The following ZNF548 variants were observed in gnomAD, a reference collection of about 807,000 sequenced individuals.
The protein encoded by ZNF548 is zinc finger protein 548.
ZNF548 carries 10 observed loss-of-function variants against 10.2 expected under a neutral mutation model. The observed-to-expected ratio is 0.98, with a 90% confidence interval of 0.60 to 1.66. ZNF548 has a LOEUF of 1.66. ZNF548 is among the 40% of genes most tolerant of loss of function. The pLI, the probability that ZNF548 is intolerant of heterozygous loss-of-function variation, is 0.00. For missense variants in ZNF548, 599 were observed against 657.0 expected, an observed-to-expected ratio of 0.91 and a Z score of 0.97; for synonymous variants, 217 against 223.5, an observed-to-expected ratio of 0.97 and a Z score of 0.26.
rs759995353 is a variant in ZNF548 at position 57,399,595 on chromosome 19, C to T, written c.1344C>T (p.Leu448=). 3.1e-6 allele frequency: 5 copies of T among 1,613,556 alleles called. No homozygotes were observed. The highest frequency in any genetic ancestry group is 4.2e-6 in the Non-Finnish European group (5 of 1,179,936). ...AATTCTTTCGTTACAACTCCAACCT[C>T]ATTAAACATTGGAGAAATCACACTG... ...CGKFFRYNSN[L]IKHWRNHTGE... The change falls in exon 4 of 4, where the codon CTC becomes CTT. Residue 448 remains leucine, a synonymous_variant. Coordinates refer to ENST00000336128, the MANE Select transcript of ZNF548 (RefSeq NM_001172773.2). This position sits in a 1 kb window ranked among gnomAD's most constrained non-coding sequence, Gnocchi z 4.0.
chr19:57,393,700 AGGAG>A (rs2088644233), intron 1 of ZNF548, among the ~76,000 whole-genome samples: 1 of 76,880 alleles, frequency 1.3e-5, no homozygotes, highest in East Asian at 5.2e-4. Flanking sequence ...GGGAGGGCAG[AGGAG>A]GGGAGGGGGG....
At chr19:57,393,288 A>G (rs2088639699) in intron 1 of ZNF548, among the ~76,000 whole-genome samples, 1 of 152,156 alleles carries the variant, frequency 6.6e-6, no homozygotes, top group Non-Finnish European at 1.5e-5. Flanking sequence ...ACACTTATTG[A>G]TTTAAACCCC....
chr19:57,394,841 G>A (rs370706084), intron 2 of ZNF548, among the ~76,000 whole-genome samples: 17 of 152,152 alleles, frequency 1.1e-4, no homozygotes, highest in Non-Finnish European at 2.2e-4. Flanking sequence ...AGAGAGTGAG[G>A]CAGCTGGGGA....
rs2088698713 is a variant in ZNF548, at chr19:57,399,658, C to T, written c.1407C>T (p.Ala469=). 6.2e-7 allele frequency: 1 copy of T among 1,613,906 alleles called. No individual in the cohort carries two copies. The highest frequency in any genetic ancestry group is 1.3e-5 in the African/African-American group (1 of 74,976). Residue 469 remains alanine (A), a synonymous_variant, in exon 4 of 4, where the codon GCC becomes GCT. Coordinates refer to ENST00000336128, the MANE Select transcript of ZNF548 (RefSeq NM_001172773.2). The surrounding 1 kb of genome is among the most constrained non-coding windows in gnomAD (Gnocchi z 4.0). ...ACGAGTGCAGAGAGTGTGGGAAAGCCTTTAGCCACAAGCATATACTTGTTG... is the reference window on the plus strand; with the variant it reads ...ACGAGTGCAGAGAGTGTGGGAAAGCTTTTAGCCACAAGCATATACTTGTTG... ...RPYECRECGK[A]FSHKHILVEH...
chr19:57,397,646 T>C (rs1405591458), intron 3 of ZNF548, among the ~76,000 whole-genome samples: 1 of 152,210 alleles, frequency 6.6e-6, no homozygotes. Context: ...TGGGATGCCA[T>C]GGGCTTGATC....
chr19:57,394,808 G>C (rs1051910533), intron 2 of ZNF548, among the ~76,000 whole-genome samples: 7 of 152,178 alleles, frequency 4.6e-5, no homozygotes, highest in Non-Finnish European at 8.8e-5. Context: ...GTTTTAACTA[G>C]AGCTGCCCAC....
chr19:57,391,250 A>G (rs971919224), intron 1 of ZNF548, among the ~76,000 whole-genome samples: 1 of 149,858 alleles, frequency 6.7e-6, no homozygotes, highest in Non-Finnish European at 1.5e-5. Flanking sequence ...TCATTTAATA[A>G]TGGCCTCCAG....
Position 57,399,379 on chromosome 19 carries a change from T to C in ZNF548, c.1128T>C (p.Pro376=), listed in dbSNP as rs753960453. ...AGAGAATTCACACTGGAGAAAGGCC[T>C]TATGAGTGCAGTGTATGTGGGGAAT... ...RHQRIHTGER[P]YECSVCGELF... The change falls in exon 4 of 4, where the codon CCT becomes CCC. Residue 376 remains proline, a synonymous_variant. Transcript: ENST00000336128. This position sits in a 1 kb window ranked among gnomAD's most constrained non-coding sequence, Gnocchi z 4.0. 6.2e-7 allele frequency: 1 copy of C among 1,614,172 alleles called. No individual in the cohort carries two copies. The highest frequency in any genetic ancestry group is 1.1e-5 in the South Asian group (1 of 91,086).
At chr19:57,390,446 C>A (rs1188687971) in intron 1 of ZNF548, 4 of 293,718 alleles carry the variant, frequency 1.4e-5, no homozygotes, top group Non-Finnish European at 2.5e-5. Flanking sequence ...TTGGAGGGGG[C>A]AGGTCCAGAG....
At chr19:57,393,382 C>T (rs1208956326) in intron 1 of ZNF548, among the ~76,000 whole-genome samples, 2 of 151,644 alleles carry the variant, frequency 1.3e-5, no homozygotes, top group African/African-American at 4.8e-5. Context: ...AAAAGTGAGC[C>T]GGGTGTGGTG....
chr19:57,390,417 G>A (rs948038528), intron 1 of ZNF548: 7 of 346,344 alleles, frequency 2.0e-5, no homozygotes, highest in Non-Finnish European at 2.6e-5. Context: ...ACCATGGAAG[G>A]TTGTCAAGGG....
chr19:57,394,615 A>G (rs993298001), intron 2 of ZNF548, among the ~76,000 whole-genome samples: 4 of 152,160 alleles, frequency 2.6e-5, no homozygotes, highest in African/African-American at 9.7e-5. Flanking sequence ...GGGAAGTGGG[A>G]GACGGGGAAG....
At position 57,390,126 on chromosome 19, in the gene ZNF548, G is replaced by A. The variant is rs953674871; in HGVS notation, c.15+12G>A. On this transcript the variant is annotated intron_variant, in intron 1 of 3. Coordinates refer to ENST00000336128, the MANE Select transcript of ZNF548 (RefSeq NM_001172773.2). ...TGAACCTGACTGAGGTGGGTGTCCC[G>A]TCCCAGGCTCCCCCGCCCGACCGGT... The A allele has an allele frequency of 6.2e-7, 1 of 1,607,134 alleles. No homozygotes were observed. Among genetic ancestry groups the A allele is most frequent in the South Asian group, 1.1e-5 (1 of 91,000 alleles).
rs879007769 is a variant in ZNF548 at position 57,390,077 on chromosome 19, C to T, written c.-23C>T. 1 of 1,608,774 alleles carries T rather than the reference C, an allele frequency of 6.2e-7. No homozygotes were observed. ...TCGCTCCCGCCCCGCTCTTCCCTGG[C>T]TGGGCTGGCGGAGGCCTTGCTGATG... On this transcript the variant is annotated 5_prime_UTR_variant, in exon 1 of 4. Transcript: ENST00000336128.
chr19:57,396,722 C>T (rs962747694), intron 2 of ZNF548, among the ~76,000 whole-genome samples: 8 of 152,120 alleles, frequency 5.3e-5, no homozygotes, highest in Admixed American at 3.3e-4. Flanking sequence ...TAGTTTAGTC[C>T]ACGGACGCTA....
At chr19:57,398,315 T>C in intron 3 of ZNF548, 115 bp from the exon 4 acceptor site, 1 of 1,532,788 alleles carries the variant, frequency 6.5e-7, no homozygotes, top group Non-Finnish European at 8.8e-7. Flanking sequence ...TTAATGTCCA[T>C]GATGTCCCCA....
intron 2 of ZNF548, among the ~76,000 whole-genome samples, chr19:57,396,124 CTG>C (rs2123042095): frequency 6.6e-6 from 1 of 152,266 alleles, no homozygotes; most frequent in Non-Finnish European, 1.5e-5. Context: ...GTGGAATTGA[CTG>C]GAGTGGAGGT....
intron 2 of ZNF548, among the ~76,000 whole-genome samples, 183 bp downstream of exon 2, chr19:57,394,406 A>G (rs1373898397): frequency 1.3e-5 from 2 of 152,180 alleles, no homozygotes; most frequent in African/African-American, 2.4e-5. Flanking sequence ...TTGAGAATTG[A>G]TCTGATAAGA....
Position 57,395,372 on chromosome 19 carries a change from G to A in ZNF548, c.51+1149G>A, listed in dbSNP as rs372199840. ...ATCAGTTGGGAGGAGGTGAGGATGG[G>A]AGTTGTATTAATCCGTTTCCATACT... On this transcript the variant is annotated intron_variant, in intron 2 of 3. Transcript: ENST00000336128. The surrounding 1 kb of genome is among the most constrained non-coding windows in gnomAD (Gnocchi z 4.8). Among the ~76,000 whole-genome samples, 49 of 152,188 alleles carry A rather than the reference G, an allele frequency of 3.2e-4. No individual in the cohort carries two copies. In the South Asian group the frequency reaches 9.7e-3, roughly 30 times the overall value.
Sources: gnomAD v4.1 joint callset for allele counts (sites outside exome capture counted in the v4.1 genomes callset) on GRCh38, gnomAD v4.1.1 for gene constraint, Gnocchi (gnomAD v3.1) non-coding constraint, MANE v1.5 for transcripts, NCBI Gene and HGNC (gene_info 2026-07-23, HGNC 2026-07-21) for gene names.